PRDM1: variants seen among roughly 807,000 people sequenced by gnomAD.
The protein encoded by PRDM1 is PR/SET domain 1.
PRDM1 carries 13 observed loss-of-function variants against 62.8 expected under a neutral mutation model. The observed-to-expected ratio is 0.21, with a 90% CI of 0.13 to 0.33. The LOEUF is 0.33. Ranked by LOEUF, PRDM1 falls within the 10% of genes least tolerant of loss-of-function variation. The pLI is 1.00. For missense variants in PRDM1, 895 were observed against 1,058.8 expected (o/e 0.85, Z 2.15); for synonymous variants, 396 against 417.6 (o/e 0.95, Z 0.63).
At chr6:106,049,611 C>T (rs1018582841) in intron 1 of PRDM1, among the ~76,000 whole-genome samples, 1 of 152,170 alleles carries the variant, frequency 6.6e-6, no homozygotes. Flanking sequence ...TCCTCCCTCC[C>T]TGTCTTCCTC....
chr6:106,083,137 G>T (rs1481157312), upstream of PRDM1, among the ~76,000 whole-genome samples: 1 of 149,388 alleles, frequency 6.7e-6, no homozygotes, highest in East Asian at 2.0e-4. Context: ...CCTCTCTCAG[G>T]CTCAGGCTTA....
intron 2 of PRDM1, among the ~76,000 whole-genome samples, chr6:106,089,934 G>T (rs1014384596): frequency 6.6e-6 from 1 of 152,152 alleles, no homozygotes; most frequent in African/African-American, 2.4e-5. Context: ...TCCATTCTGT[G>T]GGTCATCTTT....
At chr6:106,024,816 C>T (rs777019130) in intron 1 of PRDM1, among the ~76,000 whole-genome samples, 1 of 152,060 alleles carries the variant, frequency 6.6e-6, no homozygotes, top group Non-Finnish European at 1.5e-5. Context: ...ATACTGAAAT[C>T]CCTCTTTTTC....
In PRDM1 at chr6:106,005,547, C is replaced by T. The variant is rs139932270; in HGVS notation, c.-67+11908C>T. ...TTTTGAGTAAAATGAATATGGAAAACCTTTTAAACTAGGAAAAAATGCAAC... is the reference window on the plus strand; with the variant it reads ...TTTTGAGTAAAATGAATATGGAAAATCTTTTAAACTAGGAAAAAATGCAAC... On this transcript the variant is annotated intron_variant, in intron 1 of 6. Transcript: ENST00000652320. 8.7e-3 allele frequency among the ~76,000 whole-genome samples: 1,322 copies of T among 152,248 alleles called. 10 individuals are homozygous for T. Among genetic ancestry groups the T allele is most frequent in the Middle Eastern group, 0.027 (8 of 294 alleles).
At chr6:105,998,446 TACATTTG>T (rs1305424980) in intron 1 of PRDM1, among the ~76,000 whole-genome samples, 1 of 152,234 alleles carries the variant, frequency 6.6e-6, no homozygotes, top group Non-Finnish European at 1.5e-5. Flanking sequence ...TAGAACATTT[TACATTTG>T]ACATTTCTGT....
At position 106,095,841 on chromosome 6, in the gene PRDM1, C is replaced by A; in HGVS notation, c.411+107C>A. 4 of 1,241,256 alleles carry A rather than the reference C, an allele frequency of 3.2e-6. No individual in the cohort carries two copies. In the South Asian group the frequency reaches 5.6e-5, roughly 18 times the overall value. The allele number at this position is 1,241,256 out of a possible 1,614,324, so 76.9% of individuals were successfully genotyped here. Reference sequence around the variant, plus strand: ...TCCTGTGCTGAGAAATGCTGGGGCTCACCCATAAGTATCCAGCATCCCCAT... The same window carrying A: ...TCCTGTGCTGAGAAATGCTGGGGCTAACCCATAAGTATCCAGCATCCCCAT... On this transcript the variant is annotated intron_variant, in intron 3 of 6. Transcript: ENST00000369096.
chr6:106,017,632 G>A (rs1772638582), intron 1 of PRDM1, among the ~76,000 whole-genome samples: 1 of 152,236 alleles, frequency 6.6e-6, no homozygotes, highest in Non-Finnish European at 1.5e-5. Context: ...CTGGGCAAAT[G>A]TCCCCTTATC....
At chr6:106,022,758 G>A (rs2114560516) in intron 1 of PRDM1, among the ~76,000 whole-genome samples, 1 of 152,234 alleles carries the variant, frequency 6.6e-6, no homozygotes, top group Middle Eastern at 3.4e-3. Flanking sequence ...GTCTCACTAT[G>A]TTGTCTAGGC....
rs2114659775 is a variant in PRDM1, at chr6:106,106,295, C to G, written c.1774-76C>G. The G allele has an allele frequency of 6.4e-7, 1 of 1,564,632 alleles. No homozygotes were observed. The highest frequency in any genetic ancestry group is 8.7e-7 in the Non-Finnish European group (1 of 1,146,846). On this transcript the variant is annotated intron_variant, in intron 5 of 6. Transcript: ENST00000369096. The surrounding 1 kb of genome is among the most constrained non-coding windows in gnomAD (Gnocchi z 4.4). ...TTTTCTTAAGATATTTGCATCAACA[C>G]TTGAGTCTTGGAGCAGAAATGTTAG...
At chr6:106,062,132 A>G (rs1220428714) in intron 1 of PRDM1, among the ~76,000 whole-genome samples, 3 of 152,202 alleles carry the variant, frequency 2.0e-5, no homozygotes, top group Admixed American at 6.5e-5. Context: ...CACTGTCTAC[A>G]TGGCTTGTTT....
intron 1 of PRDM1, among the ~76,000 whole-genome samples, chr6:106,056,177 A>C (rs1016657665): frequency 6.6e-6 from 1 of 152,172 alleles, no homozygotes; most frequent in South Asian, 2.1e-4. Flanking sequence ...TCCCTTACCC[A>C]GTCTTTGTGG....
At chr6:106,054,512 C>T (rs2114587011) in intron 1 of PRDM1, among the ~76,000 whole-genome samples, 1 of 152,088 alleles carries the variant, frequency 6.6e-6, no homozygotes, top group Non-Finnish European at 1.5e-5. Context: ...TTCTAAAGAC[C>T]ATTAGATGAA....
chr6:106,105,903 C>G lies in PRDM1; in HGVS notation c.1743C>G (p.Ala581=), dbSNP rs1774469678. 1 of 1,613,688 alleles carries G rather than the reference C, an allele frequency of 6.2e-7. No homozygotes were observed. Among genetic ancestry groups the G allele is most frequent in the Non-Finnish European group, 8.5e-7 (1 of 1,179,768 alleles). Residue 581 remains alanine, a synonymous_variant, in exon 5 of 7, where the codon GCC becomes GCG. Transcript: ENST00000369096. ...TCAAGTACGAATGCAACGTTTGCGC[C>G]AAGACTTTCGGCCAGCTCTCCAATC... The part of the protein sequence containing the change: ...GKIKYECNVC[A]KTFGQLSNLK...
At chr6:106,097,884 CCCAG>C (rs2114634636) in intron 3 of PRDM1, among the ~76,000 whole-genome samples, 1 of 152,314 alleles carries the variant, frequency 6.6e-6, no homozygotes, top group South Asian at 2.1e-4. Context: ...GCAGAATTCA[CCCAG>C]CCTTGTTCCA....
Position 106,104,688 on chromosome 6 carries a change from T to C in PRDM1, c.665-137T>C. 4.5e-6 allele frequency: 5 copies of C among 1,118,302 alleles called. No homozygotes were observed. The South Asian group carries it at 6.2e-5, about 14-fold the overall frequency. The allele number at this position is 1,118,302 out of a possible 1,614,324, so 69.3% of individuals were successfully genotyped here. ...GGCCCAGAGCCTTCTAGAATGAGAG[T>C]GCGTTGGAAGCCAGATATGTGGCGA... On this transcript the variant is annotated intron_variant, in intron 4 of 6. Transcript: ENST00000369096.
Position 106,054,358 on chromosome 6 carries a change from T to A in PRDM1, c.-67+5644T>A, listed in dbSNP as rs116109692. ...TTTGTGTGTATACCTGGTGTATTTG[T>A]ATAAAACTGAAAATCAGATTGCTAC... On this transcript the variant is annotated intron_variant, in intron 1 of 6. Transcript: ENST00000651185. 4.6e-3 allele frequency among the ~76,000 whole-genome samples: 700 copies of A among 152,240 alleles called. 5 individuals carry two copies. The highest frequency in any genetic ancestry group is 0.016 in the African/African-American group (675 of 41,476).
At chr6:106,070,623 G>C (rs963254790) in intron 1 of PRDM1, among the ~76,000 whole-genome samples, 6 of 152,016 alleles carry the variant, frequency 3.9e-5, no homozygotes, top group African/African-American at 1.4e-4. Context: ...GGTATATATA[G>C]GTAAATTTCT....
At position 105,994,380 on chromosome 6, in the gene PRDM1, A is replaced by G. The variant is rs1772320397; in HGVS notation, c.-67+741A>G. Among the ~76,000 whole-genome samples the G allele has an allele frequency of 6.6e-6, 1 of 151,942 alleles. No individual in the cohort carries two copies. The highest frequency in any genetic ancestry group is 1.5e-5 in the Non-Finnish European group (1 of 67,972). On this transcript the variant is annotated intron_variant, in intron 1 of 6. Transcript: ENST00000652320. The surrounding 1 kb of genome is among the most constrained non-coding windows in gnomAD (Gnocchi z 4.1). ...GCCTAAATTGCGTAATTAAAAAAAAAAAATACACCACTGCCACCCTACAGC... is the reference window on the plus strand; with the variant it reads ...GCCTAAATTGCGTAATTAAAAAAAAGAAATACACCACTGCCACCCTACAGC...
At chr6:106,088,768 C>T (rs895269131) in intron 2 of PRDM1, among the ~76,000 whole-genome samples, 6 of 152,184 alleles carry the variant, frequency 3.9e-5, no homozygotes, top group Admixed American at 3.9e-4. Context: ...GGCCCACTGG[C>T]CCTAGTGTCC....
Sources: gnomAD v4.1 joint callset for allele counts (sites outside exome capture counted in the v4.1 genomes callset) on GRCh38, gnomAD v4.1.1 for gene constraint, Gnocchi (gnomAD v3.1) non-coding constraint, MANE v1.5 for transcripts, NCBI Gene and HGNC (gene_info 2026-07-23, HGNC 2026-07-21) for gene names.